ADAM11: variants seen among roughly 807,000 people sequenced by gnomAD.
ADAM11 encodes disintegrin and metalloproteinase domain-containing protein 11.
ADAM11 carries 49 observed loss-of-function variants against 119.1 expected under a neutral mutation model. The observed-to-expected ratio is 0.41, with a 90% confidence interval of 0.33 to 0.52. ADAM11 has a LOEUF of 0.52. ADAM11 is among the 20% of genes least tolerant of loss of function. The pLI, the probability that ADAM11 is intolerant of heterozygous loss-of-function variation, is 0.20. For missense variants in ADAM11, 777 were observed against 1,047.5 expected, an observed-to-expected ratio of 0.74 and a Z score of 3.56; for synonymous variants, 364 against 408.0, an observed-to-expected ratio of 0.89 and a Z score of 1.30.
chr17:44,772,020 ATGTCCCATC>A lies in ADAM11; in HGVS notation c.543+198_543+206del. Among the ~76,000 whole-genome samples, 1 of 151,876 alleles carries A rather than the reference ATGTCCCATC, an allele frequency of 6.6e-6. No homozygotes were observed. The highest frequency in any genetic ancestry group is 3.4e-3 in the Middle Eastern group (1 of 292). The stretch of plus-strand genomic sequence containing the variant: ...AGCTCCCCCTGTGCCCCCAGCTCCA[ATGTCCCATC>A]TGTCCCATAAGTGACCTCCCATTGG... On this transcript the variant is annotated intron_variant, in intron 6 of 26. Coordinates refer to ENST00000200557, the MANE Select transcript of ADAM11 (RefSeq NM_002390.6). This position sits in a 1 kb window ranked among gnomAD's most constrained non-coding sequence, Gnocchi z 4.5.
Position 44,780,181 on chromosome 17 carries a change from T to C in ADAM11, c.*427T>C. 4.0e-6 allele frequency: 2 copies of C among 505,310 alleles called. No individual in the cohort carries two copies. Among genetic ancestry groups the C allele is most frequent in the Non-Finnish European group, 7.6e-6 (2 of 264,120 alleles). 31.3% of individuals were successfully genotyped at this position (505,310 alleles called of 1,614,324 possible). On this transcript the variant is annotated 3_prime_UTR_variant, in exon 27 of 27. Coordinates refer to ENST00000200557, the MANE Select transcript of ADAM11 (RefSeq NM_002390.6). Reference sequence around the variant, plus strand: ...GGGACCTAGGGGGACGGGGCTGACATCTACATTTTTTAAAACTGAATCTTA... The same window carrying C: ...GGGACCTAGGGGGACGGGGCTGACACCTACATTTTTTAAAACTGAATCTTA...
Position 44,773,490 on chromosome 17 carries a change from T to C in ADAM11, c.992+63T>C. ...TAGTTGCTACAGTGCTTGGGATTAC[T>C]TAACACCTGCCCTGTGCTGGCTGCT... On this transcript the variant is annotated intron_variant, in intron 11 of 26. Coordinates refer to ENST00000200557, the MANE Select transcript of ADAM11 (RefSeq NM_002390.6). The surrounding 1 kb of genome is among the most constrained non-coding windows in gnomAD (Gnocchi z 4.6). 2.6e-6 allele frequency: 4 copies of C among 1,567,242 alleles called. No individual in the cohort carries two copies. Among genetic ancestry groups the C allele is most frequent in the Non-Finnish European group, 3.5e-6 (4 of 1,154,438 alleles).
Position 44,772,239 on chromosome 17 carries a change from C to T in ADAM11, c.544-28C>T. On this transcript the variant is annotated intron_variant, in intron 6 of 26. Coordinates refer to ENST00000200557, the MANE Select transcript of ADAM11 (RefSeq NM_002390.6). This position sits in a 1 kb window ranked among gnomAD's most constrained non-coding sequence, Gnocchi z 4.5. ...GGCCTGGAGCAGGCCCAGTTGGCACCCCAAGAACTAATTTCCCCTCATTGC... is the reference window on the plus strand; with the variant it reads ...GGCCTGGAGCAGGCCCAGTTGGCACTCCAAGAACTAATTTCCCCTCATTGC... 1 of 1,594,312 alleles carries T rather than the reference C, an allele frequency of 6.3e-7. No individual in the cohort carries two copies. The highest frequency in any genetic ancestry group is 8.6e-7 in the Non-Finnish European group (1 of 1,168,412).
At position 44,780,194 on chromosome 17, in the gene ADAM11, A is replaced by T. The variant is rs966151313; in HGVS notation, c.*440A>T. The T allele has an allele frequency of 2.1e-6, 1 of 480,432 alleles. No individual in the cohort carries two copies. The highest frequency in any genetic ancestry group is 5.8e-5 in the East Asian group (1 of 17,202). The allele number at this position is 480,432 out of a possible 1,614,324, so 29.8% of individuals were successfully genotyped here. A position where few individuals can be genotyped will look rare whatever the true frequency, so the allele number is the denominator to read the frequency against. ...ACGGGGCTGACATCTACATTTTTTAAAACTGAATCTTAATCGATGAATGTA... is the reference window on the plus strand; with the variant it reads ...ACGGGGCTGACATCTACATTTTTTATAACTGAATCTTAATCGATGAATGTA... On this transcript the variant is annotated 3_prime_UTR_variant, in exon 27 of 27. Transcript: ENST00000200557.
rs1598891799 is a variant in ADAM11 at position 44,774,480 on chromosome 17, C to T, written c.1078-12C>T. The T allele has an allele frequency of 1.9e-6, 3 of 1,612,076 alleles. No homozygotes were observed. The African/African-American group carries it at 4.0e-5, about 21-fold the overall frequency. ...GATGTAGACATCTGTGCCCCATCTT[C>T]CCCACCCCCAGTACGGCAACATGGG... On this transcript the variant is annotated splice_polypyrimidine_tract_variant and intron_variant, in intron 12 of 26. Transcript: ENST00000200557.
At position 44,779,945 on chromosome 17, in the gene ADAM11, T is replaced by A. The variant is rs1424267834; in HGVS notation, c.*191T>A. The A allele has an allele frequency of 1.2e-6, 1 of 814,862 alleles. No individual in the cohort carries two copies. Among genetic ancestry groups the A allele is most frequent in the Admixed American group, 2.0e-5 (1 of 49,960 alleles). 50.5% of individuals were successfully genotyped at this position (814,862 alleles called of 1,614,324 possible). On this transcript the variant is annotated 3_prime_UTR_variant, in exon 27 of 27. Coordinates refer to ENST00000200557, the MANE Select transcript of ADAM11 (RefSeq NM_002390.6). The stretch of plus-strand genomic sequence containing the variant: ...TGGCACCACCAGGGTGGACCAGGCC[T>A]GGAGGGCACTTCCTCCACAGTCCCC...
At chr17:44,771,718 C>A (rs2049526719) in intron 5 of ADAM11, 38 bp from the exon 6 acceptor site, 2 of 1,612,420 alleles carry the variant, frequency 1.2e-6, no homozygotes, top group Non-Finnish European at 8.5e-7. Context: ...CTGGCCCAGG[C>A]CTGGGGACGG....
rs1343819663 is a variant in ADAM11, at chr17:44,771,760, G to A, written c.472G>A (p.Val158Ile). ...ALSTCQGLHG[V>I]FSDGNLTYIV... ...GCTGCGCCTCTCTCTCCACAGTGGG[G>A]TCTTCTCTGATGGGAACTTGACTTA... Residue 158 changes from valine (V) to isoleucine (I), a missense_variant, in exon 6 of 27, where the codon GTC (valine) becomes ATC (isoleucine). This residue lies in a region of ADAM11 where 278 missense variants were observed against 310.1 expected (regional missense o/e 0.90). Transcript: ENST00000200557. The A allele has an allele frequency of 6.2e-7, 1 of 1,613,840 alleles. No individual in the cohort carries two copies. The highest frequency in any genetic ancestry group is 1.1e-5 in the South Asian group (1 of 91,036).
chr17:44,778,843 A>G (rs1292836336), intron 25 of ADAM11, among the ~76,000 whole-genome samples: 2 of 152,104 alleles, frequency 1.3e-5, no homozygotes, highest in Admixed American at 6.5e-5. Context: ...CCAAATAGCC[A>G]CAGAGTGGAG....
chr17:44,775,779 A>T lies in ADAM11; in HGVS notation c.1485+103A>T. ...AGGGAGGGAAGCGGAGCCTTCGGGG[A>T]CGAAGGCCTCTGGGGCAGGGCTTGA... On this transcript the variant is annotated intron_variant, in intron 17 of 26. Coordinates refer to ENST00000200557, the MANE Select transcript of ADAM11 (RefSeq NM_002390.6). The surrounding 1 kb of genome is among the most constrained non-coding windows in gnomAD (Gnocchi z 7.5). The T allele has an allele frequency of 1.6e-6, 2 of 1,224,440 alleles. No individual in the cohort carries two copies. The highest frequency in any genetic ancestry group is 2.6e-5 in the East Asian group (1 of 39,164). The allele number at this position is 1,224,440 out of a possible 1,614,324, so 75.8% of individuals were successfully genotyped here.
At position 44,773,369 on chromosome 17, in the gene ADAM11, C is replaced by T. The variant is rs1249418239; in HGVS notation, c.934C>T (p.Leu312Phe). The change falls in exon 11 of 27, where the codon CTC becomes TTC. Residue 312 changes from leucine (L) to phenylalanine (F), a missense_variant. Transcript: ENST00000200557. The surrounding 1 kb of genome is among the most constrained non-coding windows in gnomAD (Gnocchi z 4.6). The part of the protein sequence containing the change: ...QDDLLETLAR[L>F]MVYRREGLPE... ...TGACCTCCTGGAGACCCTGGCCCGG[C>T]TCATGGTCTACCGACGGGAGGGTCT... 1 of 1,614,034 alleles carries T rather than the reference C, an allele frequency of 6.2e-7. No individual in the cohort carries two copies. The highest frequency in any genetic ancestry group is 8.5e-7 in the Non-Finnish European group (1 of 1,180,000).
Position 44,776,666 on chromosome 17 carries a change from A to G in ADAM11, c.1567-79A>G, listed in dbSNP as rs955694644. ...GAGCCCCCAATGGGGGGCACTTGGT[A>G]CCCCAGCATTCCTCCCTGGGGCAGC... On this transcript the variant is annotated intron_variant, in intron 18 of 26. Transcript: ENST00000200557. This position sits in a 1 kb window ranked among gnomAD's most constrained non-coding sequence, Gnocchi z 5.2. 36 of 1,528,372 alleles carry G rather than the reference A, an allele frequency of 2.4e-5. No individual in the cohort carries two copies. The highest frequency in any genetic ancestry group is 2.7e-6 in the Non-Finnish European group (3 of 1,115,480). 94.7% of individuals were successfully genotyped at this position (1,528,372 alleles called of 1,614,324 possible). A position where few individuals can be genotyped will look rare whatever the true frequency, so the allele number is the denominator to read the frequency against.
chr17:44,769,973 C>T lies in ADAM11; in HGVS notation c.315-9C>T, dbSNP rs373924504. On this transcript the variant is annotated splice_polypyrimidine_tract_variant and intron_variant, in intron 3 of 26. Transcript: ENST00000200557. ...GTGACCCCCCTTCCTGCTGCCCCCT[C>T]TGTCTCAGCCACCTCCTCTCCTCGC... The T allele has an allele frequency of 5.6e-6, 9 of 1,614,062 alleles. No homozygotes were observed. The African/African-American group carries it at 1.1e-4, about 19-fold the overall frequency.
chr17:44,765,608 CTCTTTT>C (rs2049439055), intron 2 of ADAM11, among the ~76,000 whole-genome samples: 1 of 86,784 alleles, frequency 1.2e-5, no homozygotes, highest in Admixed American at 1.4e-4. Flanking sequence ...CTTTTCTTTT[CTCTTTT>C]TTTTTTTTTT....
intron 25 of ADAM11, among the ~76,000 whole-genome samples, chr17:44,778,717 A>AAAAAAAAAAG (rs2049643533): frequency 6.9e-6 from 1 of 145,184 alleles, no homozygotes; most frequent in Non-Finnish European, 1.5e-5. Context: ...AAAAAAAGAA[A>AAAAAAAAAAG]GAAAGAGAGA....
rs1459816128 is a variant in ADAM11 at position 44,759,271 on chromosome 17, C to A, written c.61+11C>A. The A allele has an allele frequency of 4.3e-6, 6 of 1,388,390 alleles. No homozygotes were observed. In the African/African-American group the frequency reaches 9.1e-5, roughly 21 times the overall value. 86.0% of individuals were successfully genotyped at this position (1,388,390 alleles called of 1,614,324 possible). A position where few individuals can be genotyped will look rare whatever the true frequency, so the allele number is the denominator to read the frequency against. On this transcript the variant is annotated intron_variant, in intron 1 of 26. Coordinates refer to ENST00000200557, the MANE Select transcript of ADAM11 (RefSeq NM_002390.6). ...TGCTCCCCACGCCCGGTGAGTGACC[C>A]CCGCCCGGCCCCGGCGCCCCCTCCC...
rs1207319511 is a variant in ADAM11, at chr17:44,775,580, T to G, written c.1393-4T>G. The G allele has an allele frequency of 6.4e-7, 1 of 1,570,278 alleles. No homozygotes were observed. Among genetic ancestry groups the G allele is most frequent in the South Asian group, 1.1e-5 (1 of 87,160 alleles). On this transcript the variant is annotated splice_polypyrimidine_tract_variant and splice_region_variant and intron_variant, in intron 16 of 26. Transcript: ENST00000200557. The surrounding 1 kb of genome is among the most constrained non-coding windows in gnomAD (Gnocchi z 7.5). ...CCTCCTTCCCCTCCTCCCGCGTCCCTCAGGAGTGCAGCCGCGCAGGTGGCA... is the reference window on the plus strand; with the variant it reads ...CCTCCTTCCCCTCCTCCCGCGTCCCGCAGGAGTGCAGCCGCGCAGGTGGCA...
chr17:44,778,096 G>C (rs1480002882), intron 24 of ADAM11, 30 bp downstream of exon 24: 1 of 1,610,632 alleles, frequency 6.2e-7, no homozygotes, highest in Non-Finnish European at 8.5e-7. Context: ...AGGGGGGTCT[G>C]TCTGTCCTGC....
chr17:44,778,563 G>A (rs12451011), intron 25 of ADAM11, among the ~76,000 whole-genome samples: 87,230 of 151,246 alleles, frequency 0.58, 26,210 homozygotes, highest in East Asian at 0.77. Flanking sequence ...ATGGTGGTGC[G>A]CACCTGTAAT....
Sources: allele counts gnomAD v4.1 joint callset (sites outside exome capture counted in the v4.1 genomes callset), GRCh38; gene constraint gnomAD v4.1.1; regional missense constraint gnomAD v4.1.1; non-coding constraint Gnocchi (gnomAD v3.1); transcripts MANE v1.5; gene names NCBI Gene and HGNC (gene_info 2026-07-23, HGNC 2026-07-21).